Variants in CD9 observed in about 807,000 individuals in gnomAD.
The protein encoded by CD9 is CD9 antigen.
A neutral mutation model predicts 31.4 loss-of-function variants in CD9; 10 were observed. The observed-to-expected ratio is 0.32, with a 90% CI of 0.20 to 0.54. CD9 has a LOEUF of 0.54. Ranked by LOEUF, CD9 falls within the 20% of genes least tolerant of loss-of-function variation. CD9 has a pLI of 0.94. For missense variants in CD9, 259 were observed against 300.1 expected, an observed-to-expected ratio of 0.86 and a Z score of 1.01; for synonymous variants, 113 against 114.1, an observed-to-expected ratio of 0.99 and a Z score of 0.06.
rs1238361200 is a variant in CD9, at chr12:6,232,900, T to G, written c.273+171T>G. 2 of 703,656 alleles carry G rather than the reference T, an allele frequency of 2.8e-6. No individual in the cohort carries two copies. Among genetic ancestry groups the G allele is most frequent in the Non-Finnish European group, 5.2e-6 (2 of 385,684 alleles). 43.6% of individuals were successfully genotyped at this position (703,656 alleles called of 1,614,324 possible). The stretch of plus-strand genomic sequence containing the variant: ...CCTCCCCGATGTGAGGCGTCGCCCC[T>G]CTTCCTTTCTGGAGCCTGTCTTATC... On this transcript the variant is annotated intron_variant, in intron 3 of 7. Coordinates refer to ENST00000009180, the MANE Select transcript of CD9 (RefSeq NM_001769.4). This position sits in a 1 kb window ranked among gnomAD's most constrained non-coding sequence, Gnocchi z 4.8.
At chr12:6,216,321 C>G (rs1049319688) in intron 1 of CD9, among the ~76,000 whole-genome samples, 17 of 152,234 alleles carry the variant, frequency 1.1e-4, no homozygotes, top group African/African-American at 4.1e-4. Context: ...GGGAAACTTG[C>G]ATCCCCAGTA....
At chr12:6,228,292 C>T (rs1021601851) in intron 2 of CD9, among the ~76,000 whole-genome samples, 1 of 152,310 alleles carries the variant, frequency 6.6e-6, no homozygotes, top group East Asian at 1.9e-4. Context: ...ATCCGTCCGC[C>T]TCAGCCTCTA....
At chr12:6,224,706 G>A (rs976791215) in intron 1 of CD9, among the ~76,000 whole-genome samples, 3 of 152,180 alleles carry the variant, frequency 2.0e-5, no homozygotes, top group Non-Finnish European at 2.9e-5. Context: ...GGGTGACGAC[G>A]AGGGAGCTCA....
At chr12:6,213,981 C>A (rs1946217870) in intron 1 of CD9, among the ~76,000 whole-genome samples, 1 of 152,240 alleles carries the variant, frequency 6.6e-6, no homozygotes, top group Non-Finnish European at 1.5e-5. Context: ...CACGTCCAAG[C>A]CTCCCACTTG....
chr12:6,204,480 T>G (rs1400067799), intron 1 of CD9, among the ~76,000 whole-genome samples: 2 of 152,194 alleles, frequency 1.3e-5, no homozygotes, highest in African/African-American at 4.8e-5. Context: ...GGCCTTTACC[T>G]CTGGAGCAAG....
chr12:6,236,322 T>C (rs1306677933), intron 7 of CD9, 47 bp downstream of exon 7: 6 of 1,540,932 alleles, frequency 3.9e-6, no homozygotes, highest in Admixed American at 3.3e-5. Flanking sequence ...GGAGTTCACA[T>C]TGATTCAGCC....
At chr12:6,204,225 C>T (rs887498652) in intron 1 of CD9, among the ~76,000 whole-genome samples, 2 of 152,044 alleles carry the variant, frequency 1.3e-5, no homozygotes, top group Non-Finnish European at 2.9e-5. Context: ...AACCCAACAC[C>T]CCTACACATA....
rs1345921619 is a variant in CD9, at chr12:6,214,623, C to T, written c.67-10803C>T. On this transcript the variant is annotated intron_variant, in intron 1 of 7. Transcript: ENST00000009180. ...CTCTCAGCCTCCCAAAGTGCTAGGT[C>T]AGGTCAGAGGCCTGACCATCAGCCT... Among the ~76,000 whole-genome samples the T allele has an allele frequency of 3.9e-5, 6 of 152,068 alleles. 1 individual carries two copies. The highest frequency in any genetic ancestry group is 8.8e-5 in the Non-Finnish European group (6 of 68,010).
chr12:6,235,103 C>T (rs1166650904), intron 4 of CD9, 126 bp from the exon 5 acceptor site: 9 of 736,026 alleles, frequency 1.2e-5, no homozygotes, highest in East Asian at 2.5e-5. Context: ...TGCCCAGTGA[C>T]GTTGTCCAAG....
At chr12:6,231,148 A>C (rs1946441827) in intron 2 of CD9, among the ~76,000 whole-genome samples, 1 of 152,206 alleles carries the variant, frequency 6.6e-6, no homozygotes, top group African/African-American at 2.4e-5. Context: ...CATCAAGGAT[A>C]TCTCTCTGGT....
rs901370782 is a variant in CD9 at position 6,232,397 on chromosome 12, A to C, written c.176-235A>C. The C allele has an allele frequency of 6.8e-6, 4 of 588,818 alleles. No individual in the cohort carries two copies. In the African/African-American group the frequency reaches 7.5e-5, roughly 11 times the overall value. 36.5% of individuals were successfully genotyped at this position (588,818 alleles called of 1,614,324 possible). The stretch of plus-strand genomic sequence containing the variant: ...CTTCCAGAAGGGCTGAGGGTAAGGT[A>C]GGAGCGTGAGCTTGATGAAGCAGAG... On this transcript the variant is annotated intron_variant, in intron 2 of 7. Coordinates refer to ENST00000009180, the MANE Select transcript of CD9 (RefSeq NM_001769.4). The surrounding 1 kb of genome is among the most constrained non-coding windows in gnomAD (Gnocchi z 4.8).
chr12:6,208,810 C>G (rs958049085), intron 1 of CD9, among the ~76,000 whole-genome samples: 1 of 152,044 alleles, frequency 6.6e-6, no homozygotes, highest in Admixed American at 6.5e-5. Context: ...GTGATCCACC[C>G]GCCTCAGCCT....
intron 1 of CD9, among the ~76,000 whole-genome samples, chr12:6,214,096 G>A (rs1946218970): frequency 6.6e-6 from 1 of 152,122 alleles, no homozygotes; most frequent in Non-Finnish European, 1.5e-5. Flanking sequence ...TCGTCTATGT[G>A]GAGCTGGTTC....
intron 1 of CD9, chr12:6,201,098 G>A (rs1946071135): frequency 1.3e-5 from 2 of 152,414 alleles, no homozygotes. Context: ...GAGCGGCAGG[G>A]GTGCCTCGGC....
rs1946311298 is a variant in CD9 at position 6,222,998 on chromosome 12, A to T, written c.67-2428A>T. Among the ~76,000 whole-genome samples, 3 of 152,246 alleles carry T rather than the reference A, an allele frequency of 2.0e-5. No individual in the cohort carries two copies. The South Asian group carries it at 6.2e-4, about 31-fold the overall frequency. ...GGGAGATAATTGCTTGATAAGCACA[A>T]GCCTAGAGCAAAAAGGACAGTAATG... On this transcript the variant is annotated intron_variant, in intron 1 of 7. Coordinates refer to ENST00000009180, the MANE Select transcript of CD9 (RefSeq NM_001769.4).
intron 1 of CD9, among the ~76,000 whole-genome samples, chr12:6,222,375 C>T (rs371194774): frequency 2.6e-5 from 4 of 152,276 alleles, no homozygotes; most frequent in East Asian, 3.9e-4. Context: ...TTACTTGAAC[C>T]TTTCTCCTCT....
intron 7 of CD9, among the ~76,000 whole-genome samples, 178 bp from the exon 8 acceptor site, chr12:6,237,585 C>G (rs994015920): frequency 6.6e-6 from 1 of 152,226 alleles, no homozygotes; most frequent in African/African-American, 2.4e-5. Context: ...ACGTCCCGCA[C>G]CCTTCTCATT....
chr12:6,236,972 TTTTTTTTC>T (rs984540547), intron 7 of CD9, among the ~76,000 whole-genome samples: 6 of 152,140 alleles, frequency 3.9e-5, no homozygotes, highest in East Asian at 1.9e-4. Flanking sequence ...CAATACCTTC[TTTTTTTTC>T]TTTTTTTCTT....
intron 3 of CD9, chr12:6,233,177 C>T: frequency 1.5e-6 from 1 of 651,728 alleles, no homozygotes; most frequent in Non-Finnish European, 2.8e-6. Flanking sequence ...CTGGGCTCAG[C>T]TGTGCTCAGC....
Sources: gnomAD v4.1 joint callset for allele counts (sites outside exome capture counted in the v4.1 genomes callset) on GRCh38, gnomAD v4.1.1 for gene constraint, Gnocchi (gnomAD v3.1) non-coding constraint, MANE v1.5 for transcripts, NCBI Gene and HGNC (gene_info 2026-07-23, HGNC 2026-07-21) for gene names.